Variants in DLGAP2 observed in about 807,000 individuals in gnomAD.
DLGAP2 encodes disks large-associated protein 2.
DLGAP2 carries 26 observed loss-of-function variants against 100.3 expected under a neutral mutation model. That is an observed-to-expected ratio of 0.26 (90% CI 0.19 to 0.36). DLGAP2 has a LOEUF of 0.36. Ranked by LOEUF, DLGAP2 falls within the 10% of genes least tolerant of loss-of-function variation. The pLI, the probability that DLGAP2 is intolerant of heterozygous loss-of-function variation, is 1.00. For missense variants in DLGAP2, 1,858 were observed against 1,453.2 expected (o/e 1.28, Z -4.53); for synonymous variants, 886 against 630.1 (o/e 1.41, Z -6.08).
At chr8:744,042 C>T (rs1397691070) in intron 1 of DLGAP2, among the ~76,000 whole-genome samples, 1 of 152,224 alleles carries the variant, frequency 6.6e-6, no homozygotes, top group Admixed American at 6.5e-5. Flanking sequence ...TCTAAATGCC[C>T]AGACACCTGT....
intron 4 of DLGAP2, among the ~76,000 whole-genome samples, chr8:1,512,856 A>C (rs2130378695): frequency 6.6e-6 from 1 of 152,298 alleles, no homozygotes; most frequent in Middle Eastern, 3.4e-3. Flanking sequence ...CTTCCGAATG[A>C]CCCTGATCCT....
At chr8:1,161,365 G>A (rs1341353879) in intron 2 of DLGAP2, among the ~76,000 whole-genome samples, 1 of 152,120 alleles carries the variant, frequency 6.6e-6, no homozygotes, top group Non-Finnish European at 1.5e-5. Context: ...ACAGGCAGGT[G>A]GAAGATTTCA....
At chr8:826,874 C>T (rs1034491628) in intron 1 of DLGAP2, among the ~76,000 whole-genome samples, 1 of 152,138 alleles carries the variant, frequency 6.6e-6, no homozygotes, top group African/African-American at 2.4e-5. Context: ...GCTCATTTTC[C>T]AGCCTCGCAC....
intron 2 of DLGAP2, among the ~76,000 whole-genome samples, chr8:1,054,303 A>G (rs1802813952): frequency 6.6e-6 from 1 of 152,114 alleles, no homozygotes; most frequent in African/African-American, 2.4e-5. Context: ...CCATCCATGC[A>G]TAAAAGTCAT....
intron 4 of DLGAP2, among the ~76,000 whole-genome samples, chr8:1,532,829 T>C (rs987613257): frequency 1.3e-5 from 2 of 152,190 alleles, no homozygotes; most frequent in African/African-American, 4.8e-5. Context: ...TTTTAAGGAA[T>C]TGAACTCACA....
At chr8:968,796 C>T (rs905658946) in intron 2 of DLGAP2, among the ~76,000 whole-genome samples, 3 of 152,144 alleles carry the variant, frequency 2.0e-5, no homozygotes, top group Admixed American at 6.5e-5. Context: ...CTGGAAGCTG[C>T]GACTCCACGT....
intron 4 of DLGAP2, among the ~76,000 whole-genome samples, chr8:1,533,134 GGA>G (rs1801038068): frequency 6.9e-6 from 1 of 145,862 alleles, no homozygotes; most frequent in African/African-American, 2.6e-5. Flanking sequence ...CTGATTCTAG[GGA>G]AAAAAAAAAA....
At chr8:1,174,578 A>G (rs970825261) in intron 2 of DLGAP2, among the ~76,000 whole-genome samples, 1 of 151,934 alleles carries the variant, frequency 6.6e-6, no homozygotes, top group African/African-American at 2.4e-5. Context: ...CACCACCACC[A>G]TTACCATCAT....
At chr8:947,876 T>C (rs1420505905) in intron 2 of DLGAP2, among the ~76,000 whole-genome samples, 2 of 136,308 alleles carry the variant, frequency 1.5e-5, no homozygotes, top group African/African-American at 5.6e-5. Context: ...TCCCCAACCC[T>C]GTGCCAGCCC....
intron 2 of DLGAP2, among the ~76,000 whole-genome samples, chr8:1,178,954 G>C (rs376637684): frequency 6.6e-6 from 1 of 151,778 alleles, no homozygotes; most frequent in Non-Finnish European, 1.5e-5. Flanking sequence ...GGCCCACGCC[G>C]CCCTGGTCTC....
At chr8:1,346,814 T>G (rs1284416489) in intron 3 of DLGAP2, among the ~76,000 whole-genome samples, 5 of 151,626 alleles carry the variant, frequency 3.3e-5, no homozygotes, top group African/African-American at 9.7e-5. Flanking sequence ...GTGTGGAGGT[T>G]GCGTTCCCAT....
At chr8:926,219 G>A (rs182581787) in intron 2 of DLGAP2, among the ~76,000 whole-genome samples, 108 of 152,282 alleles carry the variant, frequency 7.1e-4, no homozygotes, top group Non-Finnish European at 6.9e-4. Context: ...TCCCTCCGTG[G>A]GCTCTCATGC....
intron 2 of DLGAP2, among the ~76,000 whole-genome samples, chr8:1,226,647 C>T (rs574602973): frequency 4.6e-5 from 7 of 152,240 alleles, no homozygotes; most frequent in African/African-American, 1.7e-4. Flanking sequence ...GGCAAAGGAC[C>T]TGAGTAGATA....
intron 3 of DLGAP2, among the ~76,000 whole-genome samples, chr8:1,370,702 C>T (rs1208784885): frequency 6.6e-6 from 1 of 152,216 alleles, no homozygotes. Flanking sequence ...GACAACCGCT[C>T]CACTCTTGCA....
intron 2 of DLGAP2, chr8:1,137,841 A>C (rs1414097402): frequency 6.6e-6 from 1 of 152,086 alleles, no homozygotes; most frequent in African/African-American, 2.4e-5. Flanking sequence ...CCCAGGCTGG[A>C]GTGCAGTGGC....
chr8:1,289,758 G>A (rs938938698), intron 3 of DLGAP2, among the ~76,000 whole-genome samples: 8 of 152,172 alleles, frequency 5.3e-5, no homozygotes, highest in Admixed American at 2.0e-4. Context: ...GGCCTCCCCC[G>A]CGAATGCAGG....
chr8:1,528,168 C>T (rs1051109195), intron 4 of DLGAP2, among the ~76,000 whole-genome samples: 1 of 152,212 alleles, frequency 6.6e-6, no homozygotes, highest in Non-Finnish European at 1.5e-5. Context: ...ACAGCACCTC[C>T]TCCTGGGTTA....
intron 10 of DLGAP2, among the ~76,000 whole-genome samples, chr8:1,671,809 C>A (rs1000456332): frequency 6.6e-6 from 1 of 152,192 alleles, no homozygotes; most frequent in Non-Finnish European, 1.5e-5. Context: ...ACAGACAGGT[C>A]TCATCACAGC....
chr8:985,247 C>G (rs1403305679), intron 2 of DLGAP2, among the ~76,000 whole-genome samples: 1 of 152,202 alleles, frequency 6.6e-6, no homozygotes, highest in African/African-American at 2.4e-5. Context: ...GCTCAGCTCT[C>G]CACACCCACT....
Sources: allele counts gnomAD v4.1 joint callset (sites outside exome capture counted in the v4.1 genomes callset), GRCh38; gene constraint gnomAD v4.1.1; transcripts MANE v1.5; gene names NCBI Gene and HGNC (gene_info 2026-07-23, HGNC 2026-07-21).